The following TMOD3 variants were observed in gnomAD, a reference collection of about 807,000 sequenced individuals.
TMOD3 encodes the protein tropomodulin 3.
In TMOD3, 20 loss-of-function variants were observed where a neutral mutation model predicts 39.2. The observed-to-expected ratio is 0.51, with a 90% CI of 0.36 to 0.74. The LOEUF is 0.74. TMOD3 is among the 30% of genes least tolerant of loss of function. The probability of loss-of-function intolerance (pLI) is 0.00; values close to 1 mark genes in which losing one functional copy is unlikely to be tolerated. For missense variants in TMOD3, 381 were observed against 412.8 expected, an observed-to-expected ratio of 0.92 and a Z score of 0.67; for synonymous variants, 143 against 145.8, an observed-to-expected ratio of 0.98 and a Z score of 0.14.
At chr15:51,904,051 G>A (rs2056665823) in intron 9 of TMOD3, among the ~76,000 whole-genome samples, 2 of 152,208 alleles carry the variant, frequency 1.3e-5, no homozygotes, top group Admixed American at 6.5e-5. Flanking sequence ...AAGTGACAGA[G>A]CGAGTTTCCT....
intron 7 of TMOD3, among the ~76,000 whole-genome samples, chr15:51,897,207 C>T (rs1262610941): frequency 6.6e-6 from 1 of 152,170 alleles, no homozygotes; most frequent in Non-Finnish European, 1.5e-5. Flanking sequence ...TCTCAGTCTA[C>T]ACTGACTTTC....
intron 5 of TMOD3, among the ~76,000 whole-genome samples, chr15:51,890,487 G>A (rs2056587087): frequency 6.6e-6 from 1 of 151,876 alleles, no homozygotes; most frequent in Non-Finnish European, 1.5e-5. Context: ...AACTGTTTTT[G>A]AATGCTTACT....
rs575947588 is a variant in TMOD3, at chr15:51,887,475, G to A, written c.284-114G>A. On this transcript the variant is annotated intron_variant, in intron 3 of 9. Coordinates refer to ENST00000308580, the MANE Select transcript of TMOD3 (RefSeq NM_014547.5). ...ATGTCAGAGATAAAACAAAATTACT[G>A]TCGATGTTAATCTTTTCCTTCAGGT... The A allele has an allele frequency of 2.0e-5, 22 of 1,106,354 alleles. No individual in the cohort carries two copies. The African/African-American group carries it at 3.2e-4, about 16-fold the overall frequency. The allele number at this position is 1,106,354 out of a possible 1,614,324, so 68.5% of individuals were successfully genotyped here. A position where few individuals can be genotyped will look rare whatever the true frequency, so the allele number is the denominator to read the frequency against.
chr15:51,837,243 A>T (rs901699619), intron 1 of TMOD3, among the ~76,000 whole-genome samples: 2 of 152,068 alleles, frequency 1.3e-5, no homozygotes, highest in Non-Finnish European at 1.5e-5. Context: ...GTGGTGGTAA[A>T]ACTTTGATGA....
At chr15:51,897,935 T>G (rs540157436) in intron 7 of TMOD3, among the ~76,000 whole-genome samples, 22 of 152,246 alleles carry the variant, frequency 1.4e-4, no homozygotes, top group African/African-American at 5.3e-4. Context: ...AGCCACCATC[T>G]TTTCCCACCT....
chr15:51,900,189 T>C lies in TMOD3; in HGVS notation c.770T>C (p.Leu257Ser), dbSNP rs768041975. 1.2e-6 allele frequency: 2 copies of C among 1,614,252 alleles called. No homozygotes were observed. Among genetic ancestry groups the C allele is most frequent in the Admixed American group, 3.3e-5 (2 of 60,030 alleles). Reference sequence around the variant, plus strand: ...GAAATGCTGAAAGTGAACAAAACTTTGAAGAGCTTAAATGTGGAGTCCAAC... The same window carrying C: ...GAAATGCTGAAAGTGAACAAAACTTCGAAGAGCTTAAATGTGGAGTCCAAC... Reference protein sequence around the residue: ...FAEMLKVNKTLKSLNVESNFI... With the variant: ...FAEMLKVNKTSKSLNVESNFI... Residue 257 changes from leucine to serine, a missense_variant, in exon 8 of 10, where the codon TTG (leucine) becomes TCG (serine). By Grantham distance (145) the Leu-to-Ser change is moderately radical. Coordinates refer to ENST00000308580, the MANE Select transcript of TMOD3 (RefSeq NM_014547.5).
intron 1 of TMOD3, 43 bp from the exon 2 acceptor site, chr15:51,862,768 G>A: frequency 1.0e-6 from 1 of 966,254 alleles, no homozygotes; most frequent in Non-Finnish European, 1.5e-6. Context: ...AGTAGGTGGA[G>A]ATGACTTACT....
At chr15:51,903,344 G>A (rs1236365632) in intron 9 of TMOD3, among the ~76,000 whole-genome samples, 1 of 152,196 alleles carries the variant, frequency 6.6e-6, no homozygotes, top group Non-Finnish European at 1.5e-5. Flanking sequence ...GTTTGCCATT[G>A]AAGTATTTTT....
chr15:51,860,505 G>T (rs2056411867), intron 1 of TMOD3: 1 of 575,726 alleles, frequency 1.7e-6, no homozygotes, highest in Non-Finnish European at 3.4e-6. Context: ...TAGTTGCCTT[G>T]CACTTTCTGA....
intron 9 of TMOD3, among the ~76,000 whole-genome samples, 165 bp from the exon 10 acceptor site, chr15:51,908,611 T>G (rs1452414713): frequency 6.7e-6 from 1 of 149,558 alleles, no homozygotes; most frequent in African/African-American, 2.5e-5. Flanking sequence ...GGAAGTAGGT[T>G]GTTTTTTTTT....
rs530038565 is a variant in TMOD3, at chr15:51,884,692, G to T, written c.284-2897G>T. On this transcript the variant is annotated intron_variant, in intron 3 of 9. Transcript: ENST00000308580. ...GGCAATTGAGAAAGTACTCCTTCCT[G>T]TTCTGGCTTTATTGTGTGGGGATAT... The T allele has an allele frequency of 4.6e-5, 7 of 152,202 alleles. No homozygotes were observed. The South Asian group carries it at 1.5e-3, about 32-fold the overall frequency. The allele number at this position is 152,202 out of a possible 1,614,324, so 9.4% of individuals were successfully genotyped here.
chr15:51,840,034 A>C (rs1254793466), intron 1 of TMOD3, among the ~76,000 whole-genome samples: 1 of 152,162 alleles, frequency 6.6e-6, no homozygotes, highest in African/African-American at 2.4e-5. Flanking sequence ...TGTTGCAGGC[A>C]CTATATTAGG....
At chr15:51,847,325 A>T (rs1416431341) in intron 1 of TMOD3, among the ~76,000 whole-genome samples, 1 of 152,174 alleles carries the variant, frequency 6.6e-6, no homozygotes, top group East Asian at 1.9e-4. Flanking sequence ...TTTTCTCTGC[A>T]ATCTATAAAT....
intron 9 of TMOD3, among the ~76,000 whole-genome samples, chr15:51,904,571 G>C (rs1016916199): frequency 2.0e-5 from 3 of 152,170 alleles, no homozygotes; most frequent in Non-Finnish European, 4.4e-5. Flanking sequence ...CTCCCTCCAG[G>C]AGGCAGGTGA....
Position 51,837,042 on chromosome 15 carries a change from T to C in TMOD3, c.-75+7206T>C, listed in dbSNP as rs1438142582. 2.0e-5 allele frequency among the ~76,000 whole-genome samples: 3 copies of C among 151,358 alleles called. No homozygotes were observed. The East Asian group carries it at 5.8e-4, about 29-fold the overall frequency. On this transcript the variant is annotated intron_variant, in intron 1 of 9. Transcript: ENST00000308580. The stretch of plus-strand genomic sequence containing the variant: ...TGTGAGAAAGTGAATAAAAACATGG[T>C]AAACTAGAAGAAAATGAGGGCTGGG...
chr15:51,851,770 C>T (rs2056363180), intron 1 of TMOD3, among the ~76,000 whole-genome samples: 1 of 152,166 alleles, frequency 6.6e-6, no homozygotes, highest in South Asian at 2.1e-4. Context: ...TTTTTATCCC[C>T]TACAGCCAAC....
chr15:51,856,314 T>C (rs1164614175), intron 1 of TMOD3, among the ~76,000 whole-genome samples: 2 of 152,170 alleles, frequency 1.3e-5, no homozygotes, highest in African/African-American at 4.8e-5. Context: ...CATCATTAGA[T>C]AGGATGAGCA....
intron 1 of TMOD3, among the ~76,000 whole-genome samples, chr15:51,839,422 T>C (rs2056302820): frequency 6.6e-6 from 1 of 152,042 alleles, no homozygotes; most frequent in Non-Finnish European, 1.5e-5. Context: ...CCTCCTGCCT[T>C]GGCCTCCCAA....
intron 1 of TMOD3, among the ~76,000 whole-genome samples, chr15:51,845,163 T>A (rs1387756181): frequency 6.6e-6 from 1 of 152,100 alleles, no homozygotes; most frequent in Non-Finnish European, 1.5e-5. Context: ...GAGACCTGAG[T>A]CCATCAGGCT....
Sources: gnomAD v4.1 joint callset for allele counts (sites outside exome capture counted in the v4.1 genomes callset) on GRCh38, gnomAD v4.1.1 for gene constraint, MANE v1.5 for transcripts, NCBI Gene and HGNC (gene_info 2026-07-23, HGNC 2026-07-21) for gene names.